ANXA4: variants seen among roughly 807,000 people sequenced by gnomAD.
ANXA4 encodes the protein annexin A4, also known as 35-beta calcimedin.
In ANXA4, 39 loss-of-function variants were observed where a neutral mutation model predicts 49.8. The ratio of observed to expected loss-of-function variants is 0.78; its 90% CI spans 0.61 to 1.02. The LOEUF is 1.02. Among genes scored for constraint, ANXA4 ranks in the 50% least tolerant of loss-of-function variants. The probability of loss-of-function intolerance (pLI) is 0.00; values close to 1 mark genes in which losing one functional copy is unlikely to be tolerated. For synonymous variants in ANXA4, 134 were observed against 152.5 expected (o/e 0.88, Z 0.89); for missense variants, 360 against 410.1 (o/e 0.88, Z 1.05).
intron 1 of ANXA4, among the ~76,000 whole-genome samples, chr2:69,771,966 T>C (rs1671736804): frequency 6.6e-6 from 1 of 152,242 alleles, no homozygotes; most frequent in Non-Finnish European, 1.5e-5. Context: ...AAACTATGTC[T>C]TAAAAACTTC....
intron 12 of ANXA4, among the ~76,000 whole-genome samples, chr2:69,822,134 G>A (rs2103899894): frequency 6.6e-6 from 1 of 152,244 alleles, no homozygotes; most frequent in South Asian, 2.1e-4. Context: ...GCCGAGACAG[G>A]TGGATCACTT....
chr2:69,796,663 C>T (rs1336537800), intron 3 of ANXA4, among the ~76,000 whole-genome samples: 1 of 152,130 alleles, frequency 6.6e-6, no homozygotes, highest in African/African-American at 2.4e-5. Flanking sequence ...TTCCATCTGG[C>T]ATTTCTTGTA....
chr2:69,758,283 G>A (rs1005336793), intron 1 of ANXA4, among the ~76,000 whole-genome samples: 1 of 152,144 alleles, frequency 6.6e-6, no homozygotes, highest in Non-Finnish European at 1.5e-5. Flanking sequence ...AAAGCGCTGC[G>A]ACTACAGGCG....
upstream of ANXA4, among the ~76,000 whole-genome samples, chr2:69,737,538 A>G (rs1253080193): frequency 6.6e-6 from 1 of 151,904 alleles, no homozygotes; most frequent in East Asian, 1.9e-4. Flanking sequence ...TATTTTTGCT[A>G]TCAGATTTTT....
chr2:69,660,581 C>A (rs1676673425), intron 2 of ANXA4, among the ~76,000 whole-genome samples: 1 of 151,974 alleles, frequency 6.6e-6, no homozygotes, highest in African/African-American at 2.4e-5. Context: ...AATCAAAACC[C>A]TATGATTAGG....
intron 2 of ANXA4, among the ~76,000 whole-genome samples, chr2:69,711,043 A>C (rs1678661725): frequency 6.6e-6 from 1 of 152,226 alleles, no homozygotes; most frequent in Non-Finnish European, 1.5e-5. Context: ...ATAATAGCCC[A>C]AACTGGCCAG....
intron 3 of ANXA4, among the ~76,000 whole-genome samples, chr2:69,798,891 G>A (rs1388130971): frequency 5.3e-5 from 8 of 152,180 alleles, no homozygotes; most frequent in Non-Finnish European, 1.2e-4. Context: ...ACCAGATATT[G>A]AGGTCAAGGA....
chr2:69,814,743 G>GGGGT (rs1553365515), intron 8 of ANXA4: 2 of 123,636 alleles, frequency 1.6e-5, no homozygotes, highest in Non-Finnish European at 3.2e-5. Flanking sequence ...GACACAGAGG[G>GGGGT]GTGTGTGTGT....
chr2:69,748,872 G>A (rs2105486632), intron 1 of ANXA4, among the ~76,000 whole-genome samples: 1 of 152,036 alleles, frequency 6.6e-6, no homozygotes, highest in East Asian at 1.9e-4. Flanking sequence ...CACCACACCT[G>A]GCTAATTTTC....
At chr2:69,742,391 C>T (rs1255197664) in intron 1 of ANXA4, among the ~76,000 whole-genome samples, 1 of 152,146 alleles carries the variant, frequency 6.6e-6, no homozygotes, top group Non-Finnish European at 1.5e-5. Context: ...GAGCGCGGTG[C>T]TTAACCGCTG....
At chr2:69,787,988 C>T (rs1672486201) in intron 2 of ANXA4, 66 bp from the exon 3 acceptor site, 5 of 1,372,058 alleles carry the variant, frequency 3.6e-6, no homozygotes, top group East Asian at 2.3e-5. Flanking sequence ...AAATGTTTGC[C>T]GAATGAGATG....
chr2:69,751,689 G>A (rs1446686957), intron 1 of ANXA4, among the ~76,000 whole-genome samples: 1 of 152,062 alleles, frequency 6.6e-6, no homozygotes, highest in Non-Finnish European at 1.5e-5. Flanking sequence ...GGATCCAGGT[G>A]AGGAGTGGAG....
chr2:69,693,767 A>G (rs1348472990), intron 2 of ANXA4, among the ~76,000 whole-genome samples: 1 of 152,200 alleles, frequency 6.6e-6, no homozygotes, highest in Non-Finnish European at 1.5e-5. Context: ...AAGGGGCAGT[A>G]GCTATGGGGA....
At chr2:69,766,749 T>C (rs1388300341) in intron 1 of ANXA4, among the ~76,000 whole-genome samples, 1 of 152,172 alleles carries the variant, frequency 6.6e-6, no homozygotes, top group Non-Finnish European at 1.5e-5. Flanking sequence ...CTTCCAGACC[T>C]TGGGTCAGCT....
At chr2:69,774,336 C>A (rs1309269717) in intron 1 of ANXA4, among the ~76,000 whole-genome samples, 4 of 123,814 alleles carry the variant, frequency 3.2e-5, no homozygotes, top group South Asian at 3.0e-4. Context: ...AGCCCCCCCC[C>A]CCCCTTTTTT....
intron 3 of ANXA4, among the ~76,000 whole-genome samples, chr2:69,788,369 A>C (rs936589626): frequency 2.0e-5 from 3 of 152,140 alleles, no homozygotes; most frequent in Non-Finnish European, 2.9e-5. Context: ...ACAAGACCCC[A>C]TCTAGACTAA....
At chr2:69,737,196 A>T (rs913562168), upstream of ANXA4, among the ~76,000 whole-genome samples, 2 of 152,186 alleles carry the variant, frequency 1.3e-5, no homozygotes, top group Admixed American at 6.5e-5. Flanking sequence ...TGGATCCTTT[A>T]TGTGAAACCT....
At chr2:69,818,894 T>C (rs1260783881) in intron 10 of ANXA4, among the ~76,000 whole-genome samples, 200 bp downstream of exon 10, 1 of 152,252 alleles carries the variant, frequency 6.6e-6, no homozygotes, top group Non-Finnish European at 1.5e-5. Flanking sequence ...ATATATTTTA[T>C]ATCTTCTGTG....
chr2:69,793,804 C>T (rs1672800587), intron 3 of ANXA4, among the ~76,000 whole-genome samples: 1 of 151,274 alleles, frequency 6.6e-6, no homozygotes, highest in Non-Finnish European at 1.5e-5. Context: ...GGAAGCCATT[C>T]TAGGTGCACC....
Sources: gnomAD v4.1 joint callset for allele counts (sites outside exome capture counted in the v4.1 genomes callset) on GRCh38, gnomAD v4.1.1 for gene constraint, MANE v1.5 for transcripts, NCBI Gene and HGNC (gene_info 2026-07-23, HGNC 2026-07-21) for gene names.